SHISA9: variants seen among roughly 807,000 people sequenced by gnomAD.
SHISA9 encodes the protein shisa family member 9, also known as protein shisa-9.
In SHISA9, 13 loss-of-function variants were observed where a neutral mutation model predicts 38.0. That is an observed-to-expected ratio of 0.34 (90% CI 0.22 to 0.54). The LOEUF (loss-of-function observed/expected upper bound fraction) is 0.54, where lower values mean the gene tolerates loss of function less well. Among genes scored for constraint, SHISA9 ranks in the 20% least tolerant of loss-of-function variants. The pLI is 0.91. For missense variants in SHISA9, 538 were observed against 575.8 expected (o/e 0.93, Z 0.67); for synonymous variants, 275 against 242.0 (o/e 1.14, Z -1.27).
the SHISA9 span, among the ~76,000 whole-genome samples, chr16:13,534,918 A>T: frequency 6.6e-6 from 1 of 152,110 alleles, no homozygotes; most frequent in African/African-American, 2.4e-5. Context: ...TGATGATCCC[A>T]GAAATAACAT....
At chr16:13,427,108 C>T in the SHISA9 span, among the ~76,000 whole-genome samples, 12 of 152,312 alleles carry the variant, frequency 7.9e-5, no homozygotes, top group South Asian at 2.1e-4. Flanking sequence ...ACATTGTTGG[C>T]TGGCATTGCA....
intron 2 of SHISA9, among the ~76,000 whole-genome samples, chr16:12,959,067 T>C (rs1282192456): frequency 2.0e-5 from 3 of 152,170 alleles, no homozygotes; most frequent in Admixed American, 6.5e-5. Context: ...GAATCTTATA[T>C]TGCAATGGGA....
At chr16:13,203,672 T>G in intron 3 of SHISA9, 123 bp downstream of exon 3, 1 of 1,059,448 alleles carries the variant, frequency 9.4e-7, no homozygotes, top group Non-Finnish European at 1.3e-6. Flanking sequence ...TTTTTTTCTC[T>G]TTCTGCTTTT....
intron 4 of SHISA9, among the ~76,000 whole-genome samples, chr16:13,224,435 G>A (rs541221574): frequency 5.5e-4 from 83 of 152,262 alleles, no homozygotes; most frequent in South Asian, 1.2e-3. Context: ...CTCAGTCTTC[G>A]GTGATACAGA....
At chr16:13,287,364 G>C in the SHISA9 span, among the ~76,000 whole-genome samples, 2 of 152,170 alleles carry the variant, frequency 1.3e-5, no homozygotes, top group African/African-American at 4.8e-5. Flanking sequence ...GCGAATCTGA[G>C]CTGAAGTTTA....
At chr16:13,409,197 G>A in the SHISA9 span, among the ~76,000 whole-genome samples, 1 of 152,074 alleles carries the variant, frequency 6.6e-6, no homozygotes, top group East Asian at 1.9e-4. Flanking sequence ...AAACTCCAGG[G>A]GAAGATCATC....
At chr16:12,982,901 C>T (rs1301130128) in intron 2 of SHISA9, among the ~76,000 whole-genome samples, 2 of 152,220 alleles carry the variant, frequency 1.3e-5, no homozygotes, top group African/African-American at 4.8e-5. Context: ...TCGCTTCTAG[C>T]TGTCCTGATT....
At chr16:13,156,672 C>T (rs369242843) in intron 2 of SHISA9, among the ~76,000 whole-genome samples, 15 of 149,586 alleles carry the variant, frequency 1.0e-4, no homozygotes, top group East Asian at 5.9e-4. Flanking sequence ...AGGTGGAGCT[C>T]GCAGTAAGCT....
At chr16:13,212,947 G>A (rs1209396006) in intron 3 of SHISA9, among the ~76,000 whole-genome samples, 2 of 152,222 alleles carry the variant, frequency 1.3e-5, no homozygotes, top group Non-Finnish European at 2.9e-5. Flanking sequence ...TTTACAGCCA[G>A]ATTTTCTACC....
chr16:13,160,616 T>A (rs1411987863), intron 2 of SHISA9, among the ~76,000 whole-genome samples: 1 of 152,178 alleles, frequency 6.6e-6, no homozygotes, highest in Non-Finnish European at 1.5e-5. Context: ...CAAACCTAAG[T>A]ATGGTGCGTG....
chr16:13,420,642 A>G, the SHISA9 span, among the ~76,000 whole-genome samples: 70 of 152,120 alleles, frequency 4.6e-4, no homozygotes, highest in Non-Finnish European at 8.8e-4. Context: ...TCTTTAAAGA[A>G]ACAGAAAAAT....
chr16:13,036,444 T>TA (rs1175648924), intron 2 of SHISA9, among the ~76,000 whole-genome samples: 1 of 152,168 alleles, frequency 6.6e-6, no homozygotes, highest in African/African-American at 2.4e-5. Flanking sequence ...GTCCGAAGGC[T>TA]AAATAGTGTT....
At chr16:13,212,731 C>T (rs2051132538) in intron 3 of SHISA9, among the ~76,000 whole-genome samples, 1 of 152,130 alleles carries the variant, frequency 6.6e-6, no homozygotes, top group African/African-American at 2.4e-5. Context: ...TAGCCCCCAC[C>T]CCATGGGGCC....
chr16:13,018,654 A>G (rs2072785757), intron 2 of SHISA9, among the ~76,000 whole-genome samples: 1 of 152,230 alleles, frequency 6.6e-6, no homozygotes, highest in Admixed American at 6.5e-5. Flanking sequence ...GAGGCACTGC[A>G]GCTGGTGATA....
At chr16:13,223,046 T>G (rs1282939105) in intron 4 of SHISA9, among the ~76,000 whole-genome samples, 2 of 152,118 alleles carry the variant, frequency 1.3e-5, no homozygotes, top group African/African-American at 2.4e-5. Flanking sequence ...ATTTTATAGG[T>G]GAAGCTTAGA....
chr16:13,263,339 G>C, the SHISA9 span, among the ~76,000 whole-genome samples: 1 of 152,202 alleles, frequency 6.6e-6, no homozygotes, highest in African/African-American at 2.4e-5. Flanking sequence ...GGTGGGGCCT[G>C]GTGGGAGGAG....
At chr16:13,489,601 A>G in the SHISA9 span, among the ~76,000 whole-genome samples, 319 of 152,290 alleles carry the variant, frequency 2.1e-3, 1 homozygote, top group Non-Finnish European at 3.8e-3. Flanking sequence ...TGATGATGTT[A>G]TAAGTGGTTT....
At chr16:13,192,165 C>T (rs2050891480) in intron 2 of SHISA9, among the ~76,000 whole-genome samples, 1 of 151,924 alleles carries the variant, frequency 6.6e-6, no homozygotes, top group African/African-American at 2.4e-5. Context: ...TGGATGGGAG[C>T]TAAACAGTAA....
intron 2 of SHISA9, among the ~76,000 whole-genome samples, chr16:13,137,714 A>G (rs1231760225): frequency 6.6e-6 from 1 of 152,134 alleles, no homozygotes; most frequent in African/African-American, 2.4e-5. Context: ...TCAGCCTCCC[A>G]AAGTGCTGGG....
Sources: gnomAD v4.1 joint callset for allele counts (sites outside exome capture counted in the v4.1 genomes callset) on GRCh38, gnomAD v4.1.1 for gene constraint, MANE v1.5 for transcripts, NCBI Gene and HGNC (gene_info 2026-07-23, HGNC 2026-07-21) for gene names.